CEP250: variants seen among roughly 807,000 people sequenced by gnomAD.
CEP250 encodes centrosomal protein 250.
A neutral mutation model predicts 315.7 loss-of-function variants in CEP250; 242 were observed. The ratio of observed to expected loss-of-function variants is 0.77; its 90% CI spans 0.69 to 0.85. CEP250 has a LOEUF of 0.85. Ranked by LOEUF, CEP250 falls within the 40% of genes least tolerant of loss-of-function variation. The pLI is 0.00. For missense variants in CEP250, 2,515 were observed against 2,886.4 expected (o/e 0.87, Z 2.95); for synonymous variants, 1,088 against 1,175.0 (o/e 0.93, Z 1.51).
At chr20:35,473,703 C>T (rs2063088424) in intron 13 of CEP250, 151 bp downstream of exon 13, 1 of 1,078,614 alleles carries the variant, frequency 9.3e-7, no homozygotes, top group Non-Finnish European at 1.3e-6. Context: ...TCACTTGTTT[C>T]TCCAGAACAA....
At chr20:35,485,526 G>C (rs979465945) in intron 20 of CEP250, among the ~76,000 whole-genome samples, 1 of 151,656 alleles carries the variant, frequency 6.6e-6, no homozygotes, top group Admixed American at 6.6e-5. Flanking sequence ...GTCTTGCTCT[G>C]GTCACCCAGG....
Position 35,498,470 on chromosome 20 carries a change from T to G in CEP250, c.3656-125T>G, listed in dbSNP as rs114875557. ...TGGAGAAAATATGTGATGAGTGAAC[T>G]GCTGAGAAAGGGGTTCTTTGCGGAG... On this transcript the variant is annotated intron_variant, in intron 26 of 34. Transcript: ENST00000397527. 2,366 of 1,175,504 alleles carry G rather than the reference T, an allele frequency of 2.0e-3. 36 individuals are homozygous for G. The African/African-American group carries it at 0.032, about 16-fold the overall frequency. 72.8% of individuals were successfully genotyped at this position (1,175,504 alleles called of 1,614,324 possible). A position where few individuals can be genotyped will look rare whatever the true frequency, so the allele number is the denominator to read the frequency against.
At chr20:35,467,611 GA>G (rs1316306816) in intron 9 of CEP250, 56 bp downstream of exon 9, 1 of 1,565,668 alleles carries the variant, frequency 6.4e-7, no homozygotes, top group Non-Finnish European at 8.6e-7. Flanking sequence ...GACTCCTTTA[GA>G]GGGTTAGGGA....
At position 35,502,994 on chromosome 20, in the gene CEP250, G is replaced by A. The variant is rs2064059624; in HGVS notation, c.4625G>A (p.Arg1542Lys). 1 of 1,614,198 alleles carries A rather than the reference G, an allele frequency of 6.2e-7. No individual in the cohort carries two copies. The highest frequency in any genetic ancestry group is 8.5e-7 in the Non-Finnish European group (1 of 1,180,032). ...EKKDQMIESQRGQVQDLKKQL... is the reference protein window; with the variant it reads ...EKKDQMIESQKGQVQDLKKQL... ...AAAGACCAAATGATTGAGTCCCAGA[G>A]AGGACAGGTTCAGGACCTGAAAAAG... Residue 1542 changes from arginine to lysine, a missense_variant, in exon 30 of 35, where the codon AGA (arginine) becomes AAA (lysine). Physicochemically the swap from Arg to Lys is conservative, Grantham distance 26. Coordinates refer to ENST00000397527, the MANE Select transcript of CEP250 (RefSeq NM_007186.6).
At chr20:35,460,157 G>A (rs1307858197) in intron 3 of CEP250, 52 bp downstream of exon 3, 1 of 152,202 alleles carries the variant, frequency 6.6e-6, no homozygotes, top group East Asian at 1.9e-4. Flanking sequence ...GGGTGTAATA[G>A]TATGGGGAAA....
chr20:35,511,470 C>T lies in CEP250; in HGVS notation c.7173C>T (p.Leu2391=). Residue 2391 remains leucine, a synonymous_variant, in exon 35 of 35, where the codon CTC becomes CTT. Transcript: ENST00000397527. ...AGCTAGCAGGCCTGCACCACAGCCT[C>T]TCACACTCACTTCTTGCCGTGGCCC... ...SRELAGLHHS[L]SHSLLAVAQA... is the part of the protein sequence containing the mutation. 1 of 1,614,180 alleles carries T rather than the reference C, an allele frequency of 6.2e-7. No individual in the cohort carries two copies. The highest frequency in any genetic ancestry group is 8.5e-7 in the Non-Finnish European group (1 of 1,180,024).
chr20:35,457,263 A>G (rs1046814581), intron 1 of CEP250, among the ~76,000 whole-genome samples: 1 of 152,346 alleles, frequency 6.6e-6, no homozygotes, highest in Admixed American at 6.5e-5. Flanking sequence ...ATGCTTTTGC[A>G]CTTGTGGAAT....
At chr20:35,464,483 C>A (rs967464785) in intron 5 of CEP250, among the ~76,000 whole-genome samples, 1 of 152,082 alleles carries the variant, frequency 6.6e-6, no homozygotes, top group Non-Finnish European at 1.5e-5. Context: ...GGCTAATTTT[C>A]TTTATTTTCT....
At position 35,505,012 on chromosome 20, in the gene CEP250, C is replaced by A; in HGVS notation, c.6636+7C>A. The stretch of plus-strand genomic sequence containing the variant: ...AGAACAGCAAAGGCTGCAGGTAAGT[C>A]ACTCCATGGGGAGTAAGGGCCAGGG... On this transcript the variant is annotated splice_region_variant and intron_variant, in intron 30 of 34. Transcript: ENST00000397527. 6.3e-7 allele frequency: 1 copy of A among 1,593,708 alleles called. No individual in the cohort carries two copies. The highest frequency in any genetic ancestry group is 1.1e-5 in the South Asian group (1 of 88,550).
In CEP250 at chr20:35,494,616, G is replaced by A. The variant is rs2063785888; in HGVS notation, c.3126G>A (p.Glu1042=). 6.2e-7 allele frequency: 1 copy of A among 1,614,162 alleles called. No homozygotes were observed. The highest frequency in any genetic ancestry group is 1.7e-5 in the Admixed American group (1 of 60,018). The stretch of plus-strand genomic sequence containing the variant: ...AGGAGAAGCTGAGAGAGACCCAGGA[G>A]TATAACCGAATTCAGAAGGAGCTGG... ...EVQEKLRETQ[E]YNRIQKELER... The change falls in exon 24 of 35, where the codon GAG becomes GAA. Residue 1042 remains glutamate, a synonymous_variant. Transcript: ENST00000397527.
intron 12 of CEP250, 49 bp from the exon 13 acceptor site, chr20:35,473,325 C>A: frequency 6.5e-7 from 1 of 1,530,466 alleles, no homozygotes. Flanking sequence ...TCTGACATCC[C>A]TCCTTTGCCC....
At chr20:35,489,823 C>T (rs2063632294) in intron 20 of CEP250, among the ~76,000 whole-genome samples, 1 of 152,194 alleles carries the variant, frequency 6.6e-6, no homozygotes, top group Non-Finnish European at 1.5e-5. Context: ...CAGCAGACAG[C>T]CAGAATTGGC....
chr20:35,466,142 G>T lies in CEP250; in HGVS notation c.430G>T (p.Asp144Tyr). The T allele has an allele frequency of 6.2e-7, 1 of 1,613,562 alleles. No homozygotes were observed. The highest frequency in any genetic ancestry group is 1.1e-5 in the South Asian group (1 of 90,928). The change falls in exon 7 of 35, where the codon GAC (aspartate) becomes TAC (tyrosine). Residue 144 changes from aspartate (D) to tyrosine (Y), a missense_variant. By Grantham distance (160) the Asp-to-Tyr change is radical. Coordinates refer to ENST00000397527, the MANE Select transcript of CEP250 (RefSeq NM_007186.6). ...GGAAGATGTGGAAAAACTGACAGTG[G>T]ACTGGAGCCGGGCCCGGGATGAGCT... Reference protein sequence around the residue: ...LREDVEKLTVDWSRARDELMR... With the variant: ...LREDVEKLTVYWSRARDELMR...
chr20:35,501,020 C>G (rs181361248), intron 28 of CEP250, among the ~76,000 whole-genome samples: 137 of 152,214 alleles, frequency 9.0e-4, no homozygotes, highest in African/African-American at 3.2e-3. Context: ...TCCAAGTTAG[C>G]CTTTGGTAGC....
At chr20:35,484,269 G>A (rs910109504) in intron 20 of CEP250, among the ~76,000 whole-genome samples, 10 of 152,028 alleles carry the variant, frequency 6.6e-5, no homozygotes, top group African/African-American at 2.4e-4. Context: ...AGGCAAAGGA[G>A]TTTTTCCTCA....
chr20:35,478,163 A>G (rs2063227777), intron 17 of CEP250, 62 bp downstream of exon 17: 2 of 1,074,736 alleles, frequency 1.9e-6, no homozygotes, highest in African/African-American at 3.2e-5. Context: ...ATAAAAAATT[A>G]AAACACTACA....
At chr20:35,508,266 A>G in intron 32 of CEP250, 76 bp downstream of exon 32, 1 of 1,498,990 alleles carries the variant, frequency 6.7e-7, no homozygotes, top group Admixed American at 1.9e-5. Flanking sequence ...TCAGTAAATT[A>G]CAGCCTGTGG....
At chr20:35,470,540 G>A (rs1355505637) in intron 10 of CEP250, among the ~76,000 whole-genome samples, 1 of 152,108 alleles carries the variant, frequency 6.6e-6, no homozygotes, top group African/African-American at 2.4e-5. Context: ...ACCTGAGGTC[G>A]GGAGTTTGAG....
intron 14 of CEP250, among the ~76,000 whole-genome samples, 154 bp downstream of exon 14, chr20:35,474,206 T>TG (rs2063107245): frequency 6.6e-6 from 1 of 152,220 alleles, no homozygotes; most frequent in African/African-American, 2.4e-5. Context: ...TGCAGAAAGA[T>TG]GAATATGGAA....
Sources: gnomAD v4.1 joint callset for allele counts (sites outside exome capture counted in the v4.1 genomes callset) on GRCh38, gnomAD v4.1.1 for gene constraint, MANE v1.5 for transcripts, NCBI Gene and HGNC (gene_info 2026-07-23, HGNC 2026-07-21) for gene names.